Variants in CCDC171 observed in about 807,000 individuals in gnomAD.
CCDC171 encodes coiled-coil domain-containing protein 171.
CCDC171 carries 177 observed loss-of-function variants against 168.2 expected under a neutral mutation model. The ratio of observed to expected loss-of-function variants is 1.05; its 90% CI spans 0.93 to 1.19. The LOEUF (loss-of-function observed/expected upper bound fraction) is 1.19. Ranked by LOEUF, CCDC171 falls within the 50% of genes most tolerant of loss-of-function variation. The probability of loss-of-function intolerance (pLI) is 0.00; values close to 1 mark genes in which losing one functional copy is unlikely to be tolerated. For missense variants in CCDC171, 1,991 were observed against 1,539.0 expected, an observed-to-expected ratio of 1.29 and a Z score of -4.91; for synonymous variants, 687 against 540.8, an observed-to-expected ratio of 1.27 and a Z score of -3.75.
Position 15,721,865 on chromosome 9 carries a change from C to T in CCDC171, c.1415C>T (p.Ala472Val). The change falls in exon 12 of 26, where the codon GCA (alanine) becomes GTA (valine). Residue 472 changes from alanine (A) to valine (V), a missense_variant. Ala to Val is a moderately conservative substitution (Grantham distance 64). Coordinates refer to ENST00000380701, the MANE Select transcript of CCDC171 (RefSeq NM_173550.4). Reference protein sequence around the residue: ...LTDYQNKLEDASNEEKACNEL... With the variant: ...LTDYQNKLEDVSNEEKACNEL... ...GATTACCAGAACAAGCTGGAAGATG[C>T]ATCTAATGAGGTAACACTTGCACTG... 1.3e-6 allele frequency: 2 copies of T among 1,539,896 alleles called. No individual in the cohort carries two copies. Among genetic ancestry groups the T allele is most frequent in the Admixed American group, 1.9e-5 (1 of 53,636 alleles).
chr9:15,664,306 T>C (rs1587825632), intron 8 of CCDC171, among the ~76,000 whole-genome samples: 1 of 152,284 alleles, frequency 6.6e-6, no homozygotes, highest in Admixed American at 6.5e-5. Context: ...TGGGGTGCAG[T>C]GGTGCGATCT....
intron 24 of CCDC171, among the ~76,000 whole-genome samples, chr9:15,894,869 G>C (rs1186048): frequency 0.83 from 125,986 of 152,012 alleles, 52,504 homozygotes; most frequent in East Asian, 0.96. Flanking sequence ...TTATCTATTT[G>C]TCACCAAAAT....
At chr9:15,577,006 T>G (rs276448) in intron 3 of CCDC171, among the ~76,000 whole-genome samples, 81,811 of 152,014 alleles carry the variant, frequency 0.54, 22,276 homozygotes, top group East Asian at 0.75. Flanking sequence ...GAATGTTCAG[T>G]GGGGATTTGA....
chr9:15,839,756 C>G (rs2060595668), intron 21 of CCDC171, among the ~76,000 whole-genome samples: 2 of 152,120 alleles, frequency 1.3e-5, no homozygotes, highest in Non-Finnish European at 2.9e-5. Context: ...ATATGTGGAA[C>G]ACTCCCCATA....
intron 1 of CCDC171, among the ~76,000 whole-genome samples, chr9:15,555,080 T>C (rs939819793): frequency 1.1e-4 from 16 of 152,302 alleles, no homozygotes; most frequent in Admixed American, 9.8e-4. Context: ...TTTTTACCAG[T>C]AGTGGCTCCG....
At chr9:15,922,849 C>G (rs1221017716) in intron 25 of CCDC171, among the ~76,000 whole-genome samples, 3 of 151,508 alleles carry the variant, frequency 2.0e-5, no homozygotes, top group Admixed American at 6.6e-5. Flanking sequence ...TACACAAGTC[C>G]ATTTGTATGT....
At chr9:15,613,714 A>C (rs1587418563) in intron 6 of CCDC171, among the ~76,000 whole-genome samples, 2 of 151,880 alleles carry the variant, frequency 1.3e-5, no homozygotes, top group African/African-American at 4.8e-5. Flanking sequence ...TAGTAGAGAC[A>C]GGGTTTCACC....
chr9:15,971,927 G>A lies in CCDC171; in HGVS notation c.*91G>A. On this transcript the variant is annotated 3_prime_UTR_variant, in exon 26 of 26. Transcript: ENST00000380701. Reference sequence around the variant, plus strand: ...TTCTTATCAGTTGACTTTTGTTTCAGCAGAAGTGGCAGTGGATTTAAAAAA... The same window carrying A: ...TTCTTATCAGTTGACTTTTGTTTCAACAGAAGTGGCAGTGGATTTAAAAAA... 1 of 1,087,782 alleles carries A rather than the reference G, an allele frequency of 9.2e-7. No individual in the cohort carries two copies. The highest frequency in any genetic ancestry group is 1.4e-6 in the Non-Finnish European group (1 of 732,878). 67.4% of individuals were successfully genotyped at this position (1,087,782 alleles called of 1,614,324 possible).
chr9:15,645,601 C>G (rs1276769865), intron 7 of CCDC171, among the ~76,000 whole-genome samples: 2 of 152,104 alleles, frequency 1.3e-5, no homozygotes, highest in African/African-American at 4.8e-5. Context: ...GTGATGCATG[C>G]ACAAGGTTCA....
the CCDC171 span, among the ~76,000 whole-genome samples, chr9:16,067,159 T>A: frequency 2.0e-5 from 3 of 152,044 alleles, no homozygotes; most frequent in Admixed American, 6.6e-5. Flanking sequence ...CCATTCTAAC[T>A]GGTGTGAGAT....
intron 3 of CCDC171, among the ~76,000 whole-genome samples, chr9:15,575,754 G>A (rs533303476): frequency 6.6e-6 from 1 of 152,290 alleles, no homozygotes; most frequent in Admixed American, 6.5e-5. Flanking sequence ...CAGCACTTTT[G>A]AGTATCATCA....
At chr9:15,924,759 A>G (rs1825714810) in intron 25 of CCDC171, among the ~76,000 whole-genome samples, 2 of 151,552 alleles carry the variant, frequency 1.3e-5, no homozygotes, top group African/African-American at 2.4e-5. Flanking sequence ...GTACCATCTG[A>G]CTTTTGAGTC....
intron 9 of CCDC171, among the ~76,000 whole-genome samples, chr9:15,676,545 T>G (rs1355293110): frequency 6.6e-6 from 1 of 152,006 alleles, no homozygotes; most frequent in Non-Finnish European, 1.5e-5. Context: ...GCTGGACAAG[T>G]TGTTTTTTAG....
chr9:15,994,295 A>G (rs1349200391), intron 3 of CCDC171, among the ~76,000 whole-genome samples: 3 of 152,306 alleles, frequency 2.0e-5, no homozygotes, highest in East Asian at 1.9e-4. Context: ...AGGGACATGG[A>G]TGAAGCTGGA....
chr9:15,771,332 A>G (rs1396035693), intron 18 of CCDC171, among the ~76,000 whole-genome samples: 4 of 152,160 alleles, frequency 2.6e-5, no homozygotes, highest in South Asian at 2.1e-4. Flanking sequence ...TGGTTTTCTC[A>G]TAACACCTTT....
chr9:15,756,504 C>T (rs137880034), intron 18 of CCDC171, among the ~76,000 whole-genome samples: 1 of 152,048 alleles, frequency 6.6e-6, no homozygotes, highest in Non-Finnish European at 1.5e-5. Flanking sequence ...GCATAGTACC[C>T]AGTAGGCAGT....
intron 11 of CCDC171, among the ~76,000 whole-genome samples, chr9:15,720,293 C>T (rs2053393154): frequency 1.3e-5 from 2 of 152,098 alleles, no homozygotes; most frequent in South Asian, 4.1e-4. Flanking sequence ...CCCACTTCTC[C>T]ATAAGTTCTA....
chr9:16,015,116 T>TA (rs376318335), intron 3 of CCDC171, among the ~76,000 whole-genome samples: 24 of 151,430 alleles, frequency 1.6e-4, no homozygotes, highest in African/African-American at 3.6e-4. Flanking sequence ...TAAAGTCTAA[T>TA]AAAAAAAAAT....
intron 1 of CCDC171, among the ~76,000 whole-genome samples, chr9:16,047,355 C>T (rs1207683159): frequency 6.6e-6 from 1 of 152,158 alleles, no homozygotes; most frequent in East Asian, 1.9e-4. Flanking sequence ...ATCCTAACCA[C>T]CTGCCTTTCA....
Sources: gnomAD v4.1 joint callset for allele counts (sites outside exome capture counted in the v4.1 genomes callset) on GRCh38, gnomAD v4.1.1 for gene constraint, MANE v1.5 for transcripts, NCBI Gene and HGNC (gene_info 2026-07-23, HGNC 2026-07-21) for gene names.